Variants in ANXA5 observed in about 807,000 individuals in gnomAD.
ANXA5 encodes the protein CBP-I.
Under a neutral mutation model 48.1 loss-of-function variants are expected in ANXA5, and 40 were observed. The ratio of observed to expected loss-of-function variants is 0.83; its 90% CI spans 0.65 to 1.08. The LOEUF is 1.08. ANXA5 is among the 50% of genes least tolerant of loss of function. The probability of loss-of-function intolerance (pLI) is 0.00; values close to 1 mark genes in which losing one functional copy is unlikely to be tolerated. For synonymous variants in ANXA5, 113 were observed against 129.1 expected (o/e 0.88, Z 0.85); for missense variants, 357 against 376.8 (o/e 0.95, Z 0.44).
At chr4:121,696,731 C>T in intron 1 of ANXA5, 107 bp from the exon 2 acceptor site, 1 of 683,688 alleles carries the variant, frequency 1.5e-6, no homozygotes, top group Non-Finnish European at 2.1e-6. Flanking sequence ...CCGGAGGGCC[C>T]CGCCACGGGG....
chr4:121,678,599 T>C lies in ANXA5; in HGVS notation c.395-105A>G, dbSNP rs143768472. On this transcript the variant is annotated intron_variant, in intron 6 of 12. Coordinates refer to ENST00000296511, the MANE Select transcript of ANXA5 (RefSeq NM_001154.4). ...CGATGTAAAAGAAGAAATAATTATA[T>C]TTGGTTAACATAAATTCCCTCTATT... The C allele has an allele frequency of 1.1e-4, 105 of 980,038 alleles. No individual in the cohort carries two copies. The African/African-American group carries it at 1.5e-3, about 14-fold the overall frequency. 60.7% of individuals were successfully genotyped at this position (980,038 alleles called of 1,614,324 possible). A position where few individuals can be genotyped will look rare whatever the true frequency, so the allele number is the denominator to read the frequency against.
chr4:121,677,356 A>C (rs1397997945), intron 8 of ANXA5, among the ~76,000 whole-genome samples: 1 of 152,168 alleles, frequency 6.6e-6, no homozygotes, highest in Non-Finnish European at 1.5e-5. Flanking sequence ...CTGAGACTTT[A>C]TAGGGGTTTA....
At chr4:121,669,054 GA>G (rs35301456) in intron 12 of ANXA5, among the ~76,000 whole-genome samples, 56,268 of 141,698 alleles carry the variant, frequency 0.4, 12,456 homozygotes, top group East Asian at 0.69. Flanking sequence ...ACCTTTACTG[GA>G]AAAAAAAAAA....
intron 4 of ANXA5, 118 bp from the exon 5 acceptor site, chr4:121,683,595 A>T (rs1480487446): frequency 3.4e-6 from 2 of 585,240 alleles, no homozygotes; most frequent in Admixed American, 3.1e-5. Context: ...TCCAAGTAGA[A>T]GGCCCATGAG....
At chr4:121,687,276 G>A (rs1724909396) in intron 2 of ANXA5, among the ~76,000 whole-genome samples, 1 of 150,222 alleles carries the variant, frequency 6.7e-6, no homozygotes, top group Non-Finnish European at 1.5e-5. Context: ...CTCCAGCCAA[G>A]GTGACAGAGC....
chr4:121,693,191 G>A (rs1168962966), intron 2 of ANXA5, among the ~76,000 whole-genome samples: 2 of 151,674 alleles, frequency 1.3e-5, no homozygotes, highest in South Asian at 2.1e-4. Context: ...CTGAGATCAC[G>A]CCACGGCACT....
intron 5 of ANXA5, 37 bp from the exon 6 acceptor site, chr4:121,681,798 A>T (rs1724797922): frequency 4.2e-6 from 6 of 1,439,742 alleles, no homozygotes; most frequent in Non-Finnish European, 5.8e-6. Context: ...CATGTCAATA[A>T]GATTAAAAAG....
At chr4:121,668,675 G>T in intron 12 of ANXA5, 148 bp from the exon 13 acceptor site, 1 of 668,294 alleles carries the variant, frequency 1.5e-6, no homozygotes, top group Non-Finnish European at 2.6e-6. Context: ...ATGTTATGCA[G>T]GGAGTTTCCT....
Position 121,681,537 on chromosome 4 carries a change from G to GTCAT in ANXA5, c.394+130_394+133dup, listed in dbSNP as rs200277257. 6.2e-5 allele frequency: 36 copies of GTCAT among 576,388 alleles called. 1 individual carries two copies. Among genetic ancestry groups the GTCAT allele is most frequent in the Middle Eastern group, 2.9e-4 (1 of 3,394 alleles). 35.7% of individuals were successfully genotyped at this position (576,388 alleles called of 1,614,324 possible). On this transcript the variant is annotated intron_variant, in intron 6 of 12. Coordinates refer to ENST00000296511, the MANE Select transcript of ANXA5 (RefSeq NM_001154.4). ...AGGAGAAAAATAGCTTGAATTGCAG[G>GTCAT]TCATTCATTCATTCATTCATTCATC...
intron 1 of ANXA5, 97 bp downstream of exon 1, chr4:121,696,766 G>A (rs983067988): frequency 4.6e-6 from 2 of 438,626 alleles, no homozygotes; most frequent in African/African-American, 2.1e-5. Flanking sequence ...CGCAGCTACC[G>A]GGACAGCTCT....
In ANXA5 at chr4:121,669,699, A is replaced by AG. The variant is rs1276406695; in HGVS notation, c.805dup (p.Leu269ProfsTer10). 1 of 1,603,826 alleles carries AG rather than the reference A, an allele frequency of 6.2e-7. No homozygotes were observed. Among genetic ancestry groups the AG allele is most frequent in the Admixed American group, 1.7e-5 (1 of 59,684 alleles). On this transcript the variant is annotated frameshift_variant, in exon 12 of 13. Transcript: ENST00000296511. LOFTEE classifies it high-confidence loss of function. ...ACTCCTGGAAACCATGACTCTGATGAGGGTATGATCATCTGTCCCAGCTCC... is the reference window on the plus strand; with the variant it reads ...ACTCCTGGAAACCATGACTCTGATGAGGGGTATGATCATCTGTCCCAGCTCC...
rs148054462 is a variant in ANXA5 at position 121,681,574 on chromosome 4, G to A, written c.394+97C>T. The A allele has an allele frequency of 2.5e-4, 166 of 676,872 alleles. 2 individuals are homozygous for A. The African/African-American group carries it at 2.9e-3, about 12-fold the overall frequency. The allele number at this position is 676,872 out of a possible 1,614,324, so 41.9% of individuals were successfully genotyped here. On this transcript the variant is annotated intron_variant, in intron 6 of 12. Transcript: ENST00000296511. ...TTCATTCATTCATCCATCATTTACT[G>A]CGTGCCTCCCATACCTACAAAGGAC...
intron 7 of ANXA5, 113 bp downstream of exon 7, chr4:121,678,302 T>C (rs1425299015): frequency 1.2e-6 from 1 of 825,890 alleles, no homozygotes; most frequent in Non-Finnish European, 1.9e-6. Context: ...GCAGTAAGAA[T>C]CAGCAAGTAC....
chr4:121,685,071 TAC>T (rs56278871), intron 3 of ANXA5, among the ~76,000 whole-genome samples: 11,926 of 146,306 alleles, frequency 0.082, 680 homozygotes, highest in African/African-American at 0.16. Flanking sequence ...CATATATATA[TAC>T]ACACACACAC....
intron 2 of ANXA5, among the ~76,000 whole-genome samples, chr4:121,691,740 A>G (rs1325365027): frequency 1.3e-5 from 2 of 152,198 alleles, no homozygotes; most frequent in Non-Finnish European, 2.9e-5. Flanking sequence ...ATGTACATAC[A>G]CTAGGGCCCT....
At chr4:121,693,234 G>T (rs6534312) in intron 2 of ANXA5, among the ~76,000 whole-genome samples, 1 of 150,994 alleles carries the variant, frequency 6.6e-6, no homozygotes, top group African/African-American at 2.4e-5. Context: ...ACTCCATCTC[G>T]GGGGAGAAAA....
chr4:121,677,893 C>T lies in ANXA5; in HGVS notation c.531+1G>A. 1 of 1,612,826 alleles carries T rather than the reference C, an allele frequency of 6.2e-7. No individual in the cohort carries two copies. The highest frequency in any genetic ancestry group is 8.5e-7 in the Non-Finnish European group (1 of 1,178,918). ...AGTCATCATATCCTGGTGTCACTCA[C>T]CTGAGCATCTTGTTCAACTTGAGCT... On this transcript the variant is annotated splice_donor_variant, in intron 8 of 12. Transcript: ENST00000296511. LOFTEE classifies it high-confidence loss of function.
chr4:121,687,592 C>T (rs2110488976), intron 2 of ANXA5, among the ~76,000 whole-genome samples: 1 of 152,260 alleles, frequency 6.6e-6, no homozygotes, highest in East Asian at 1.9e-4. Flanking sequence ...TCCATCTTAG[C>T]CTCCAATTGT....
chr4:121,675,660 G>C (rs1724684921), intron 8 of ANXA5, among the ~76,000 whole-genome samples: 1 of 152,144 alleles, frequency 6.6e-6, no homozygotes, highest in Non-Finnish European at 1.5e-5. Flanking sequence ...TACTCTCAGG[G>C]TTCTGAATGG....
Sources: allele counts gnomAD v4.1 joint callset (sites outside exome capture counted in the v4.1 genomes callset), GRCh38; gene constraint gnomAD v4.1.1; transcripts MANE v1.5; gene names NCBI Gene and HGNC (gene_info 2026-07-23, HGNC 2026-07-21).